The following FHIT variants were observed in gnomAD, a reference collection of about 807,000 sequenced individuals.
The protein encoded by FHIT is bis(5'-adenosyl)-triphosphatase.
In FHIT, 19 loss-of-function variants were observed where a neutral mutation model predicts 17.9. The observed-to-expected ratio is 1.06, with a 90% CI of 0.74 to 1.56. The LOEUF is 1.56. Ranked by LOEUF, FHIT falls within the 40% of genes most tolerant of loss-of-function variation. FHIT has a pLI of 0.00. For missense variants in FHIT, 248 were observed against 189.2 expected, an observed-to-expected ratio of 1.31 and a Z score of -1.82; for synonymous variants, 81 against 69.7, an observed-to-expected ratio of 1.16 and a Z score of -0.81.
chr3:60,946,695 A>G (rs1020936414), intron 3 of FHIT, among the ~76,000 whole-genome samples: 3 of 152,108 alleles, frequency 2.0e-5, no homozygotes, highest in Admixed American at 6.6e-5. Flanking sequence ...AGGAAGAGAA[A>G]AGGAACTGTC....
intron 3 of FHIT, among the ~76,000 whole-genome samples, chr3:60,846,128 C>T (rs984565418): frequency 3.9e-5 from 6 of 152,154 alleles, no homozygotes; most frequent in African/African-American, 1.4e-4. Context: ...TCTTTAACAG[C>T]TTAGCTACAT....
chr3:59,795,211 C>T, intron 8 of FHIT, among the ~76,000 whole-genome samples: 1 of 151,940 alleles, frequency 6.6e-6, no homozygotes, highest in East Asian at 1.9e-4. Context: ...CATGGTGAAA[C>T]CCCGTCTCTA....
intron 4 of FHIT, among the ~76,000 whole-genome samples, chr3:60,571,428 G>A (rs2037380840): frequency 7.0e-6 from 1 of 143,178 alleles, no homozygotes; most frequent in Non-Finnish European, 1.5e-5. Flanking sequence ...AGGGGAAAAA[G>A]ATTAATTAAT....
rs368409121 is a variant in FHIT, at chr3:61,025,977, A to G, written c.-111+16070T>C. ...CCCTATTATATATTATTTTCATTTT[A>G]TATGTTATATGCACAAAAATTTATT... On this transcript the variant is annotated intron_variant, in intron 3 of 9. Transcript: ENST00000492590. Among the ~76,000 whole-genome samples the G allele has an allele frequency of 6.7e-4, 102 of 152,302 alleles. 1 individual carries two copies. The South Asian group carries it at 0.012, about 18-fold the overall frequency.
At chr3:61,153,298 T>G (rs2037447559) in intron 2 of FHIT, among the ~76,000 whole-genome samples, 1 of 152,136 alleles carries the variant, frequency 6.6e-6, no homozygotes, top group African/African-American at 2.4e-5. Flanking sequence ...GCTGATAACA[T>G]GAAGAAATAG....
intron 7 of FHIT, among the ~76,000 whole-genome samples, chr3:60,010,521 C>T (rs1050466108): frequency 6.6e-6 from 1 of 152,200 alleles, no homozygotes; most frequent in Non-Finnish European, 1.5e-5. Context: ...AGCACCTTAT[C>T]CACTCACAGC....
intron 5 of FHIT, among the ~76,000 whole-genome samples, chr3:60,289,756 G>A (rs1707897505): frequency 6.6e-6 from 1 of 152,140 alleles, no homozygotes. Flanking sequence ...ATATCCTCTT[G>A]AAATGGTGGT....
At chr3:61,156,726 T>A (rs2037543997) in intron 2 of FHIT, among the ~76,000 whole-genome samples, 1 of 152,260 alleles carries the variant, frequency 6.6e-6, no homozygotes. Flanking sequence ...CAGTTCAGTT[T>A]AATATCCACT....
chr3:60,483,339 A>G (rs977025594), intron 5 of FHIT, among the ~76,000 whole-genome samples: 2 of 152,202 alleles, frequency 1.3e-5, no homozygotes, highest in African/African-American at 4.8e-5. Context: ...TGAAGCCAGC[A>G]TCACCCTGAT....
intron 4 of FHIT, among the ~76,000 whole-genome samples, chr3:60,656,672 C>G (rs1485464649): frequency 1.3e-5 from 2 of 152,174 alleles, no homozygotes; most frequent in Non-Finnish European, 2.9e-5. Context: ...CTCAGCACTT[C>G]TCTAAACAAG....
At chr3:59,960,052 A>G (rs149109765) in intron 7 of FHIT, among the ~76,000 whole-genome samples, 84 of 152,000 alleles carry the variant, frequency 5.5e-4, no homozygotes, top group African/African-American at 1.9e-3. Flanking sequence ...CTGGAAAGGC[A>G]GAGAGGAGGT....
At chr3:60,077,739 G>GAGAGACA (rs56848166) in intron 5 of FHIT, among the ~76,000 whole-genome samples, 10 of 68,322 alleles carry the variant, frequency 1.5e-4, no homozygotes, top group African/African-American at 4.4e-4. Flanking sequence ...CATATATAGA[G>GAGAGACA]GGGGGGGGGA....
chr3:60,540,796 C>A (rs1458463096), intron 4 of FHIT, among the ~76,000 whole-genome samples: 1 of 152,172 alleles, frequency 6.6e-6, no homozygotes, highest in Non-Finnish European at 1.5e-5. Context: ...GAACTGTACA[C>A]ATTTCAGGTA....
intron 2 of FHIT, among the ~76,000 whole-genome samples, chr3:61,189,080 C>G (rs990648729): frequency 6.6e-6 from 1 of 152,042 alleles, no homozygotes; most frequent in Non-Finnish European, 1.5e-5. Flanking sequence ...AATTTCTGGC[C>G]AGGGCGATCA....
At chr3:60,439,432 G>A (rs772465894) in intron 5 of FHIT, among the ~76,000 whole-genome samples, 3 of 151,928 alleles carry the variant, frequency 2.0e-5, no homozygotes, top group African/African-American at 7.3e-5. Context: ...CAAAGCCTTG[G>A]GTAGCTAGAG....
intron 5 of FHIT, among the ~76,000 whole-genome samples, chr3:60,309,222 G>A (rs990911698): frequency 4.6e-5 from 7 of 152,004 alleles, no homozygotes; most frequent in African/African-American, 1.7e-4. Context: ...GGTTGAGGGA[G>A]GTGTTTGGGA....
intron 5 of FHIT, among the ~76,000 whole-genome samples, chr3:60,255,625 A>T (rs169914): frequency 0.092 from 14,024 of 152,194 alleles, 929 homozygotes; most frequent in South Asian, 0.19. Flanking sequence ...AAATGTCCCA[A>T]TAAAAATTTC....
chr3:59,997,805 C>T (rs1699574944), intron 7 of FHIT, among the ~76,000 whole-genome samples: 1 of 152,274 alleles, frequency 6.6e-6, no homozygotes, highest in East Asian at 1.9e-4. Flanking sequence ...ATTTATCTAA[C>T]ACCCCCCTCT....
intron 5 of FHIT, among the ~76,000 whole-genome samples, chr3:60,119,621 CG>C (rs1364228070): frequency 6.6e-6 from 1 of 152,048 alleles, no homozygotes; most frequent in Non-Finnish European, 1.5e-5. Context: ...GTCATCGTGT[CG>C]GGTAAGGAAA....
Sources: allele counts gnomAD v4.1 joint callset (sites outside exome capture counted in the v4.1 genomes callset), GRCh38; gene constraint gnomAD v4.1.1; transcripts MANE v1.5; gene names NCBI Gene and HGNC (gene_info 2026-07-23, HGNC 2026-07-21).